Variants in CDKAL1 observed in about 807,000 individuals in gnomAD.
CDKAL1 encodes CDKAL1 threonylcarbamoyladenosine tRNA methylthiotransferase, also known as threonylcarbamoyladenosine tRNA methylthiotransferase.
CDKAL1 carries 32 observed loss-of-function variants against 68.2 expected under a neutral mutation model. The ratio of observed to expected loss-of-function variants is 0.47; its 90% CI spans 0.35 to 0.63. CDKAL1 has a LOEUF of 0.63. CDKAL1 is among the 30% of genes least tolerant of loss of function. The pLI is 0.00. For missense variants in CDKAL1, 606 were observed against 696.7 expected, an observed-to-expected ratio of 0.87 and a Z score of 1.47; for synonymous variants, 234 against 244.3, an observed-to-expected ratio of 0.96 and a Z score of 0.39.
rs1010333813 is a variant in CDKAL1 at position 20,888,385 on chromosome 6, T to C, written c.742+42207T>C. 2.0e-4 allele frequency among the ~76,000 whole-genome samples: 29 copies of C among 148,518 alleles called. 1 individual carries two copies. The highest frequency in any genetic ancestry group is 7.2e-3 in the Middle Eastern group (2 of 278). ...TTTTTTTTTTTAATTTTATTATTAT[T>C]ATACTTTAAGTTTTAGGGTACATGT... On this transcript the variant is annotated intron_variant, in intron 9 of 15. Transcript: ENST00000274695.
intron 7 of CDKAL1, among the ~76,000 whole-genome samples, chr6:20,773,652 A>G (rs997297632): frequency 6.6e-6 from 1 of 151,678 alleles, no homozygotes; most frequent in Non-Finnish European, 1.5e-5. Flanking sequence ...GGTTCACGCC[A>G]TTCTCCTGCC....
Position 21,103,048 on chromosome 6 carries a change from T to G in CDKAL1, c.1237-5353T>G, listed in dbSNP as rs565252466. The stretch of plus-strand genomic sequence containing the variant: ...TAAACATATCAAACCCTTTGAAAAC[T>G]TGTAGGCTTTATCATTTTTAAGAAT... On this transcript the variant is annotated intron_variant, in intron 12 of 15. Transcript: ENST00000274695. Among the ~76,000 whole-genome samples the G allele has an allele frequency of 5.3e-5, 8 of 152,360 alleles. No individual in the cohort carries two copies. The East Asian group carries it at 1.5e-3, about 29-fold the overall frequency.
intron 5 of CDKAL1, among the ~76,000 whole-genome samples, chr6:20,654,268 T>G (rs1432494314): frequency 6.6e-6 from 1 of 152,012 alleles, no homozygotes; most frequent in African/African-American, 2.4e-5. Context: ...TTTGGTAAAA[T>G]GGCTTCTCAG....
At chr6:20,744,629 A>G (rs913940658) in intron 6 of CDKAL1, among the ~76,000 whole-genome samples, 6 of 152,134 alleles carry the variant, frequency 3.9e-5, no homozygotes, top group African/African-American at 1.4e-4. Context: ...GCTCAGATGG[A>G]AATGCCCTTG....
At chr6:21,171,784 C>G (rs1219840367) in intron 13 of CDKAL1, among the ~76,000 whole-genome samples, 2 of 152,120 alleles carry the variant, frequency 1.3e-5, no homozygotes, top group Middle Eastern at 3.2e-3. Flanking sequence ...TTGGTAGAAA[C>G]TGCCAAATTG....
intron 4 of CDKAL1, among the ~76,000 whole-genome samples, chr6:20,588,804 G>A (rs111236704): frequency 1.3e-5 from 2 of 152,142 alleles, no homozygotes; most frequent in African/African-American, 4.8e-5. Flanking sequence ...TGCTGTTTCT[G>A]TTGTAGATAT....
At chr6:20,559,886 G>A (rs1054132915) in intron 4 of CDKAL1, among the ~76,000 whole-genome samples, 35 of 152,120 alleles carry the variant, frequency 2.3e-4, no homozygotes, top group African/African-American at 6.5e-4. Context: ...TAGAAATAGC[G>A]TGTGTTTAAA....
At chr6:20,740,119 ACCTGTCGT>A (rs1773382293) in intron 6 of CDKAL1, among the ~76,000 whole-genome samples, 1 of 152,172 alleles carries the variant, frequency 6.6e-6, no homozygotes, top group African/African-American at 2.4e-5. Context: ...CTGTGCAGTT[ACCTGTCGT>A]ATAATTCTTT....
At chr6:20,939,929 A>G (rs1561900995) in intron 9 of CDKAL1, among the ~76,000 whole-genome samples, 1 of 152,200 alleles carries the variant, frequency 6.6e-6, no homozygotes. Flanking sequence ...ATAATGGTTT[A>G]CAGTTAGAAG....
intron 10 of CDKAL1, among the ~76,000 whole-genome samples, chr6:20,980,238 T>G (rs4712576): frequency 1.5e-5 from 2 of 137,118 alleles, no homozygotes; most frequent in East Asian, 2.3e-4. Flanking sequence ...TATAGATATA[T>G]AGATATAGAT....
At chr6:20,759,076 C>G (rs1774357671) in intron 7 of CDKAL1, among the ~76,000 whole-genome samples, 1 of 152,126 alleles carries the variant, frequency 6.6e-6, no homozygotes, top group South Asian at 2.1e-4. Flanking sequence ...GAGTTCAAGT[C>G]TGCAGTAAGC....
chr6:20,742,998 A>G (rs1773522086), intron 6 of CDKAL1, among the ~76,000 whole-genome samples: 1 of 152,136 alleles, frequency 6.6e-6, no homozygotes, highest in Admixed American at 6.6e-5. Context: ...TTTGAATAGA[A>G]CTGTTGTATA....
Position 20,801,046 on chromosome 6 carries a change from T to A in CDKAL1, c.638+19781T>A, listed in dbSNP as rs1438207964. Among the ~76,000 whole-genome samples the A allele has an allele frequency of 2.0e-5, 3 of 152,226 alleles. No homozygotes were observed. In the East Asian group the frequency reaches 5.8e-4, roughly 29 times the overall value. On this transcript the variant is annotated intron_variant, in intron 8 of 15. Transcript: ENST00000274695. ...AGTCCTCCTATCTGAGCCTACCAAG[T>A]AGCTGGGACTATGGGCATATGCCAT...
intron 8 of CDKAL1, among the ~76,000 whole-genome samples, chr6:20,822,655 G>A (rs1419779650): frequency 6.6e-6 from 1 of 152,108 alleles, no homozygotes; most frequent in Non-Finnish European, 1.5e-5. Flanking sequence ...AATGAATTAT[G>A]AGGATGGTTT....
chr6:20,752,878 G>A (rs900934268), intron 6 of CDKAL1, among the ~76,000 whole-genome samples: 2 of 152,014 alleles, frequency 1.3e-5, no homozygotes, highest in African/African-American at 4.8e-5. Flanking sequence ...ATTCATAGTA[G>A]CATTCAGGTC....
chr6:21,226,284 GTTTTT>G (rs57712859), intron 15 of CDKAL1, among the ~76,000 whole-genome samples: 1 of 138,724 alleles, frequency 7.2e-6, no homozygotes, highest in Admixed American at 7.1e-5. Flanking sequence ...GAACATGAAA[GTTTTT>G]TTTTTTTTTT....
intron 13 of CDKAL1, among the ~76,000 whole-genome samples, chr6:21,157,043 C>CCTA (rs1776682814): frequency 6.6e-6 from 1 of 152,088 alleles, no homozygotes; most frequent in African/African-American, 2.4e-5. Context: ...TACTGTGATG[C>CCTA]TTAGAGAGAT....
intron 11 of CDKAL1, among the ~76,000 whole-genome samples, chr6:21,045,246 T>C (rs1309459463): frequency 6.6e-6 from 1 of 152,190 alleles, no homozygotes; most frequent in Non-Finnish European, 1.5e-5. Flanking sequence ...AGGAATACTT[T>C]GGTTTGCCAG....
chr6:20,939,490 T>C (rs1483172584), intron 9 of CDKAL1, among the ~76,000 whole-genome samples: 1 of 152,222 alleles, frequency 6.6e-6, no homozygotes, highest in African/African-American at 2.4e-5. Flanking sequence ...AAATGGTTTT[T>C]CCTAGAAGAG....
Sources: allele counts gnomAD v4.1 joint callset (sites outside exome capture counted in the v4.1 genomes callset), GRCh38; gene constraint gnomAD v4.1.1; transcripts MANE v1.5; gene names NCBI Gene and HGNC (gene_info 2026-07-23, HGNC 2026-07-21).